The following PIEZO2 variants were observed in gnomAD, a reference collection of about 807,000 sequenced individuals.
PIEZO2 encodes piezo-type mechanosensitive ion channel component 2.
PIEZO2 carries 172 observed loss-of-function variants against 337.3 expected under a neutral mutation model. The ratio of observed to expected loss-of-function variants is 0.51; its 90% confidence interval spans 0.45 to 0.58. The LOEUF (loss-of-function observed/expected upper bound fraction) is 0.58. Among genes scored for constraint, PIEZO2 ranks in the 20% least tolerant of loss-of-function variants. The pLI, the probability that PIEZO2 is intolerant of heterozygous loss-of-function variation, is 0.00. For synonymous variants in PIEZO2, 1,251 were observed against 1,228.5 expected (o/e 1.02, Z -0.38); for missense variants, 3,028 against 3,391.3 (o/e 0.89, Z 2.66).
rs148666146 is a variant in PIEZO2, at chr18:10,672,014, T to C, written c.8346-235A>G. 6.6e-6 allele frequency among the ~76,000 whole-genome samples: 1 copy of C among 152,338 alleles called. No individual in the cohort carries two copies. The highest frequency in any genetic ancestry group is 1.9e-4 in the East Asian group (1 of 5,192). On this transcript the variant is annotated intron_variant, in intron 55 of 55. Transcript: ENST00000674853. The surrounding 1 kb of genome is among the most constrained non-coding windows in gnomAD (Gnocchi z 4.7). The stretch of plus-strand genomic sequence containing the variant: ...TGTTAGACTTGAAAAATGAAAGTCC[T>C]TTACAATCTCACATTCTGTAAATAA...
Position 10,795,023 on chromosome 18 carries a change from AAC to A in PIEZO2, c.1528-23_1528-22del. The A allele has an allele frequency of 6.5e-7, 1 of 1,536,748 alleles. No homozygotes were observed. Among genetic ancestry groups the A allele is most frequent in the Non-Finnish European group, 8.8e-7 (1 of 1,139,152 alleles). ...CAGGCCTCCGGAGGACAGAAAAGGA[AAC>A]ACGACCATGGTCAATACAATGCTCA... On this transcript the variant is annotated intron_variant, in intron 12 of 55. Coordinates refer to ENST00000674853, the MANE Select transcript of PIEZO2 (RefSeq NM_001378183.1). This position sits in a 1 kb window ranked among gnomAD's most constrained non-coding sequence, Gnocchi z 4.4.
intron 5 of PIEZO2, among the ~76,000 whole-genome samples, chr18:10,858,343 A>AAAAAG (rs1568136401): frequency 9.4e-5 from 14 of 149,436 alleles, no homozygotes; most frequent in African/African-American, 3.2e-4. Context: ...AAAAAAAAAA[A>AAAAAG]AAAAGAAAAG....
Position 10,837,808 on chromosome 18 carries a change from A to G in PIEZO2, c.917+17545T>C, listed in dbSNP as rs1429157170. On this transcript the variant is annotated intron_variant, in intron 7 of 55. Transcript: ENST00000674853. This position sits in a 1 kb window ranked among gnomAD's most constrained non-coding sequence, Gnocchi z 4.4. ...ACTCTGTCGCCCAGGCTGGAGTGCAATGGTGCAATCTCAGCTCACTGCAAC... is the reference window on the plus strand; with the variant it reads ...ACTCTGTCGCCCAGGCTGGAGTGCAGTGGTGCAATCTCAGCTCACTGCAAC... Among the ~76,000 whole-genome samples, 3 of 151,822 alleles carry G rather than the reference A, an allele frequency of 2.0e-5. No homozygotes were observed. The highest frequency in any genetic ancestry group is 4.4e-5 in the Non-Finnish European group (3 of 67,970).
intron 27 of PIEZO2, among the ~76,000 whole-genome samples, chr18:10,755,490 G>A (rs1414326348): frequency 2.0e-5 from 3 of 152,218 alleles, no homozygotes; most frequent in Admixed American, 6.5e-5. Context: ...GGCATTGAAA[G>A]ACTGAAGATC....
chr18:10,822,078 AAAT>A (rs1347950321), intron 7 of PIEZO2, among the ~76,000 whole-genome samples: 2 of 152,206 alleles, frequency 1.3e-5, no homozygotes, highest in Admixed American at 6.5e-5. Context: ...ATGTAACAGA[AAAT>A]AATAATTAGT....
At chr18:10,714,041 C>A (rs539166477) in intron 39 of PIEZO2, among the ~76,000 whole-genome samples, 1 of 152,312 alleles carries the variant, frequency 6.6e-6, no homozygotes, top group East Asian at 1.9e-4. Context: ...CTGAGCTAAA[C>A]CACATGATTT....
chr18:11,145,281 C>G (rs2040780118), intron 1 of PIEZO2, among the ~76,000 whole-genome samples: 1 of 152,084 alleles, frequency 6.6e-6, no homozygotes, highest in Non-Finnish European at 1.5e-5. Flanking sequence ...TTTTAACACT[C>G]ACGAATCACA....
chr18:10,884,222 A>G (rs1290053151), intron 4 of PIEZO2, among the ~76,000 whole-genome samples: 1 of 152,188 alleles, frequency 6.6e-6, no homozygotes, highest in Admixed American at 6.5e-5. Flanking sequence ...AGTTGTCGCA[A>G]ATGAGAGGAT....
At chr18:11,081,244 C>A (rs1002047590) in intron 1 of PIEZO2, among the ~76,000 whole-genome samples, 1 of 152,184 alleles carries the variant, frequency 6.6e-6, no homozygotes, top group Non-Finnish European at 1.5e-5. Context: ...CCACAGCAGA[C>A]ACTTTGAGGC....
chr18:10,889,573 T>C (rs529877816), intron 4 of PIEZO2, among the ~76,000 whole-genome samples: 32 of 152,360 alleles, frequency 2.1e-4, no homozygotes, highest in Admixed American at 1.2e-3. Flanking sequence ...GGTTGTTCTT[T>C]ATCAACTTGG....
rs1028864244 is a variant in PIEZO2 at position 11,129,021 on chromosome 18, A to G, written c.64+19504T>C. ...TAGTTTATTTGCTTGGTTGGTTAAA[A>G]TGTGGATTAAAAGATGGCCCACTAT... On this transcript the variant is annotated intron_variant, in intron 1 of 55. Coordinates refer to ENST00000674853, the MANE Select transcript of PIEZO2 (RefSeq NM_001378183.1). This position sits in a 1 kb window ranked among gnomAD's most constrained non-coding sequence, Gnocchi z 4.6. 1.3e-5 allele frequency among the ~76,000 whole-genome samples: 2 copies of G among 152,172 alleles called. No homozygotes were observed. The highest frequency in any genetic ancestry group is 2.9e-5 in the Non-Finnish European group (2 of 68,030).
chr18:10,874,751 C>G (rs2042227302), intron 4 of PIEZO2, among the ~76,000 whole-genome samples: 1 of 151,854 alleles, frequency 6.6e-6, no homozygotes, highest in African/African-American at 2.4e-5. Flanking sequence ...TATGTCTGAG[C>G]TAAAAAAGTG....
intron 36 of PIEZO2, among the ~76,000 whole-genome samples, chr18:10,720,452 T>C (rs1434887766): frequency 2.9e-5 from 2 of 68,922 alleles, no homozygotes; most frequent in African/African-American, 7.2e-5. Flanking sequence ...TATATATATA[T>C]ATATATATAT....
chr18:11,029,801 T>C lies in PIEZO2; in HGVS notation c.160+36326A>G, dbSNP rs574053930. Among the ~76,000 whole-genome samples, 150 of 152,254 alleles carry C rather than the reference T, an allele frequency of 9.9e-4. 1 individual carries two copies. The highest frequency in any genetic ancestry group is 1.3e-4 in the Non-Finnish European group (9 of 68,008). ...TCTTCCCTTTTCAGACAGGTCTTGT[T>C]GACCCCCTAGAAGGTGGACCCTTCC... On this transcript the variant is annotated intron_variant, in intron 2 of 55. Transcript: ENST00000674853.
chr18:10,697,519 T>G (rs1457021545), intron 45 of PIEZO2, among the ~76,000 whole-genome samples: 2 of 152,210 alleles, frequency 1.3e-5, no homozygotes, highest in Non-Finnish European at 2.9e-5. Context: ...ATTTACTCTG[T>G]TCAAATAGAA....
chr18:11,135,046 A>C (rs911447994), intron 1 of PIEZO2, among the ~76,000 whole-genome samples: 9 of 152,080 alleles, frequency 5.9e-5, no homozygotes, highest in African/African-American at 2.2e-4. Context: ...AGCAAAAAAA[A>C]AAAAAAATTT....
At chr18:10,951,552 T>G (rs2145316649) in intron 3 of PIEZO2, among the ~76,000 whole-genome samples, 1 of 152,330 alleles carries the variant, frequency 6.6e-6, no homozygotes, top group Non-Finnish European at 1.5e-5. Context: ...CCACCACTAC[T>G]TAAAACCCTC....
At chr18:10,981,909 C>T (rs921970943) in intron 2 of PIEZO2, among the ~76,000 whole-genome samples, 7 of 152,138 alleles carry the variant, frequency 4.6e-5, no homozygotes, top group Non-Finnish European at 7.3e-5. Context: ...CAGTGGTTTG[C>T]CAGGGGCACT....
rs909379812 is a variant in PIEZO2, at chr18:10,784,756, G to A, written c.2492+28C>T. ...TGAAGAGCTGCCTTCCTGCTAATAA[G>A]AGGTCTGTGTTTCTTCCAGTGGCTC... On this transcript the variant is annotated intron_variant, in intron 17 of 55. Transcript: ENST00000674853. The surrounding 1 kb of genome is among the most constrained non-coding windows in gnomAD (Gnocchi z 4.5). 2.7e-6 allele frequency: 4 copies of A among 1,494,682 alleles called. No individual in the cohort carries two copies. The highest frequency in any genetic ancestry group is 3.6e-6 in the Non-Finnish European group (4 of 1,121,628). 92.6% of individuals were successfully genotyped at this position (1,494,682 alleles called of 1,614,324 possible). A position where few individuals can be genotyped will look rare whatever the true frequency, so the allele number is the denominator to read the frequency against.
Sources: allele counts gnomAD v4.1 joint callset (sites outside exome capture counted in the v4.1 genomes callset), GRCh38; gene constraint gnomAD v4.1.1; non-coding constraint Gnocchi (gnomAD v3.1); transcripts MANE v1.5; gene names NCBI Gene and HGNC (gene_info 2026-07-23, HGNC 2026-07-21).